Variants in SLC35F1 observed in about 807,000 individuals in gnomAD.
SLC35F1 encodes the protein solute carrier family 35 member F1.
SLC35F1 carries 14 observed loss-of-function variants against 48.7 expected under a neutral mutation model. That is an observed-to-expected ratio of 0.29 (90% CI 0.19 to 0.45). SLC35F1 has a LOEUF of 0.45. SLC35F1 is among the 20% of genes least tolerant of loss of function. The probability of loss-of-function intolerance (pLI) is 1.00; values close to 1 mark genes in which losing one functional copy is unlikely to be tolerated. For synonymous variants in SLC35F1, 190 were observed against 202.2 expected, an observed-to-expected ratio of 0.94 and a Z score of 0.51; for missense variants, 404 against 500.0, an observed-to-expected ratio of 0.81 and a Z score of 1.83.
At chr6:118,191,825 T>G (rs991422443) in intron 2 of SLC35F1, among the ~76,000 whole-genome samples, 1 of 152,192 alleles carries the variant, frequency 6.6e-6, no homozygotes. Flanking sequence ...TGAAATCCCT[T>G]TATAAAATGT....
At chr6:117,999,208 C>G in intron 1 of SLC35F1, 2 of 1,595,498 alleles carry the variant, frequency 1.3e-6, no homozygotes, top group East Asian at 4.5e-5. Flanking sequence ...TCGTAAAGCC[C>G]AAGGAGGTTA....
chr6:117,995,260 G>A (rs1205142277), intron 1 of SLC35F1, among the ~76,000 whole-genome samples: 1 of 152,200 alleles, frequency 6.6e-6, no homozygotes, highest in Non-Finnish European at 1.5e-5. Context: ...AGCTGAGCAT[G>A]TATTTTCCCA....
At chr6:118,195,137 T>C (rs980703671) in intron 2 of SLC35F1, among the ~76,000 whole-genome samples, 78 of 152,262 alleles carry the variant, frequency 5.1e-4, no homozygotes, top group African/African-American at 1.8e-3. Context: ...AGAAGGACTT[T>C]ACTGAGGGGA....
chr6:118,043,250 A>T (rs1429136240), intron 1 of SLC35F1, among the ~76,000 whole-genome samples: 1 of 152,148 alleles, frequency 6.6e-6, no homozygotes, highest in South Asian at 2.1e-4. Flanking sequence ...CTGTTTTACG[A>T]GTTGTTTAAC....
intron 4 of SLC35F1, among the ~76,000 whole-genome samples, chr6:118,272,748 T>TAC (rs1423821850): frequency 2.1e-5 from 2 of 95,770 alleles, no homozygotes; most frequent in African/African-American, 9.0e-5. Context: ...TATATATATA[T>TAC]ACATATATAT....
chr6:118,299,655 C>G (rs749357229), intron 7 of SLC35F1, among the ~76,000 whole-genome samples: 6 of 152,018 alleles, frequency 3.9e-5, no homozygotes, highest in Admixed American at 1.3e-4. Context: ...GATTGTAATG[C>G]GAAGTAAAAA....
intron 2 of SLC35F1, among the ~76,000 whole-genome samples, chr6:118,175,496 A>G (rs1774474979): frequency 6.6e-6 from 1 of 152,208 alleles, no homozygotes; most frequent in Admixed American, 6.5e-5. Context: ...TAACCAATTT[A>G]CCAAAATGCC....
At chr6:118,049,750 C>G (rs1772357345) in intron 1 of SLC35F1, among the ~76,000 whole-genome samples, 1 of 151,942 alleles carries the variant, frequency 6.6e-6, no homozygotes, top group Admixed American at 6.6e-5. Flanking sequence ...AATAGGAACA[C>G]TTTTACACTG....
chr6:118,201,370 CA>C (rs1364831856), intron 2 of SLC35F1, among the ~76,000 whole-genome samples: 3 of 152,102 alleles, frequency 2.0e-5, no homozygotes, highest in African/African-American at 7.2e-5. Flanking sequence ...CAGTTTCCAG[CA>C]CATATCATTT....
intron 3 of SLC35F1, among the ~76,000 whole-genome samples, chr6:118,261,364 TCTC>T: frequency 6.6e-6 from 1 of 152,272 alleles, no homozygotes; most frequent in East Asian, 1.9e-4. Context: ...TGGCCAACTA[TCTC>T]CTCTTCTTGG....
At chr6:118,001,383 A>C (rs895936539) in intron 1 of SLC35F1, among the ~76,000 whole-genome samples, 3 of 152,234 alleles carry the variant, frequency 2.0e-5, no homozygotes, top group Admixed American at 6.5e-5. Context: ...GTGCTGGGAA[A>C]ACTGGCTAGC....
intron 3 of SLC35F1, among the ~76,000 whole-genome samples, chr6:118,262,383 C>A (rs1368451194): frequency 6.6e-6 from 1 of 151,912 alleles, no homozygotes; most frequent in African/African-American, 2.4e-5. Context: ...GGTCAGAGAT[C>A]AGCTGGAGTG....
In SLC35F1 at chr6:118,285,354, G is replaced by A; in HGVS notation, c.1002+16G>A. The A allele has an allele frequency of 2.5e-6, 4 of 1,613,490 alleles. No homozygotes were observed. The highest frequency in any genetic ancestry group is 2.2e-5 in the East Asian group (1 of 44,876). ...CCACTACAAGGTAAGTTGAGTGAGT[G>A]CTCCTTTGTGAAGATGATACTTTGT... On this transcript the variant is annotated intron_variant, in intron 7 of 7. Coordinates refer to ENST00000360388, the MANE Select transcript of SLC35F1 (RefSeq NM_001029858.4).
At chr6:117,933,708 C>T (rs1214031186) in intron 1 of SLC35F1, among the ~76,000 whole-genome samples, 2 of 152,172 alleles carry the variant, frequency 1.3e-5, no homozygotes, top group Non-Finnish European at 1.5e-5. Context: ...AGAGGCTGAG[C>T]AGCAGTCAGG....
intron 1 of SLC35F1, among the ~76,000 whole-genome samples, chr6:118,108,150 T>TCACA (rs924140903): frequency 6.6e-6 from 1 of 151,530 alleles, no homozygotes; most frequent in Non-Finnish European, 1.5e-5. Flanking sequence ...AATATTTGAT[T>TCACA]CACACACACA....
chr6:117,923,575 ATG>A lies in SLC35F1; in HGVS notation c.173+15684_173+15685del, dbSNP rs556905503. The stretch of plus-strand genomic sequence containing the variant: ...TTGACATACATATATACAAATACAT[ATG>A]TGTGTGTATATATACATATGTGTAT... On this transcript the variant is annotated intron_variant, in intron 1 of 7. Coordinates refer to ENST00000360388, the MANE Select transcript of SLC35F1 (RefSeq NM_001029858.4). Among the ~76,000 whole-genome samples, 275 of 104,484 alleles carry A rather than the reference ATG, an allele frequency of 2.6e-3. 26 individuals are homozygous for A. The highest frequency in any genetic ancestry group is 8.1e-3 in the African/African-American group (235 of 29,178). 68.5% of individuals were successfully genotyped at this position (104,484 alleles called of 152,430 possible).
intron 1 of SLC35F1, among the ~76,000 whole-genome samples, chr6:117,976,676 TA>T (rs1049934994): frequency 1.3e-5 from 2 of 151,310 alleles, no homozygotes; most frequent in Admixed American, 6.6e-5. Context: ...CTTGCTATAA[TA>T]AAAAAAAAGT....
intron 1 of SLC35F1, among the ~76,000 whole-genome samples, chr6:118,103,600 C>T (rs1773289326): frequency 6.6e-6 from 1 of 152,202 alleles, no homozygotes; most frequent in Admixed American, 6.5e-5. Context: ...TGGTAGGAGG[C>T]TGCTACATGG....
intron 1 of SLC35F1, among the ~76,000 whole-genome samples, chr6:118,095,721 C>T (rs1326831011): frequency 6.6e-6 from 1 of 152,018 alleles, no homozygotes; most frequent in East Asian, 1.9e-4. Flanking sequence ...CACTCAGGGG[C>T]TCAAACAGAA....
Sources: allele counts gnomAD v4.1 joint callset (sites outside exome capture counted in the v4.1 genomes callset), GRCh38; gene constraint gnomAD v4.1.1; transcripts MANE v1.5; gene names NCBI Gene and HGNC (gene_info 2026-07-23, HGNC 2026-07-21).